Variants in ADGRB3 observed in about 807,000 individuals in gnomAD.
ADGRB3 encodes brain-specific angiogenesis inhibitor 3.
ADGRB3 carries 37 observed loss-of-function variants against 193.4 expected under a neutral mutation model. The ratio of observed to expected loss-of-function variants is 0.19; its 90% CI spans 0.15 to 0.25. The LOEUF is 0.25. ADGRB3 is among the 10% of genes least tolerant of loss of function. The probability of loss-of-function intolerance (pLI) is 1.00; values close to 1 mark genes in which losing one functional copy is unlikely to be tolerated. For synonymous variants in ADGRB3, 690 were observed against 644.2 expected (o/e 1.07, Z -1.08); for missense variants, 1,637 against 1,852.9 (o/e 0.88, Z 2.14).
intron 11 of ADGRB3, among the ~76,000 whole-genome samples, chr6:69,006,918 G>T (rs1769773944): frequency 6.6e-6 from 1 of 151,934 alleles, no homozygotes; most frequent in African/African-American, 2.4e-5. Flanking sequence ...CTCTAGTCAT[G>T]ATAATCTTAA....
At chr6:68,905,556 G>A (rs569442779) in intron 3 of ADGRB3, among the ~76,000 whole-genome samples, 16 of 152,014 alleles carry the variant, frequency 1.1e-4, no homozygotes, top group Admixed American at 2.6e-4. Flanking sequence ...TCTAGCAGGC[G>A]TCCCTTTCTG....
At chr6:68,673,068 G>A (rs765994250) in intron 3 of ADGRB3, among the ~76,000 whole-genome samples, 7 of 152,010 alleles carry the variant, frequency 4.6e-5, no homozygotes, top group Non-Finnish European at 8.8e-5. Flanking sequence ...GTATACGTAT[G>A]TGTTTGTTTG....
chr6:69,375,073 A>T (rs1373120136), intron 30 of ADGRB3, among the ~76,000 whole-genome samples: 1 of 152,116 alleles, frequency 6.6e-6, no homozygotes, highest in Non-Finnish European at 1.5e-5. Flanking sequence ...TTACCTAAAC[A>T]GGTGTCTATG....
chr6:69,104,305 C>T (rs528903088), intron 17 of ADGRB3, among the ~76,000 whole-genome samples: 62 of 149,784 alleles, frequency 4.1e-4, no homozygotes, highest in Middle Eastern at 3.4e-3. Flanking sequence ...TTTGTTCTTG[C>T]GATAGTTTAC....
intron 17 of ADGRB3, among the ~76,000 whole-genome samples, chr6:69,085,995 A>G (rs1462559776): frequency 1.3e-5 from 2 of 152,032 alleles, no homozygotes; most frequent in Non-Finnish European, 2.9e-5. Context: ...TTGATTAAAA[A>G]AAGAAACCTT....
At chr6:69,283,746 C>G (rs1273317196) in intron 20 of ADGRB3, among the ~76,000 whole-genome samples, 1 of 152,012 alleles carries the variant, frequency 6.6e-6, no homozygotes, top group Non-Finnish European at 1.5e-5. Flanking sequence ...ATGTGTAGTC[C>G]ACTTCATTTG....
chr6:69,205,702 A>G (rs1302488277), intron 17 of ADGRB3, among the ~76,000 whole-genome samples: 1 of 151,940 alleles, frequency 6.6e-6, no homozygotes, highest in Non-Finnish European at 1.5e-5. Flanking sequence ...GATATGTTTT[A>G]CTCCTGTGAT....
At chr6:68,703,645 CAG>C (rs1271698881) in intron 3 of ADGRB3, among the ~76,000 whole-genome samples, 1 of 152,158 alleles carries the variant, frequency 6.6e-6, no homozygotes, top group Admixed American at 6.6e-5. Flanking sequence ...GTTTTTGAGA[CAG>C]AGTCTCGCTC....
rs556519694 is a variant in ADGRB3, at chr6:69,193,357, T to C, written c.2481-39933T>C. On this transcript the variant is annotated intron_variant, in intron 17 of 31. Coordinates refer to ENST00000370598, the MANE Select transcript of ADGRB3 (RefSeq NM_001704.3). Reference sequence around the variant, plus strand: ...AACTAAAACAAAAACTTTTTTGTGATTCTTTTGAGCCTGTTCTCACTTGTT... The same window carrying C: ...AACTAAAACAAAAACTTTTTTGTGACTCTTTTGAGCCTGTTCTCACTTGTT... 2.0e-5 allele frequency among the ~76,000 whole-genome samples: 3 copies of C among 152,276 alleles called. No individual in the cohort carries two copies. The South Asian group carries it at 6.2e-4, about 32-fold the overall frequency.
intron 3 of ADGRB3, among the ~76,000 whole-genome samples, chr6:68,861,460 G>A (rs550363859): frequency 1.4e-4 from 22 of 152,158 alleles, no homozygotes; most frequent in Admixed American, 4.6e-4. Context: ...TGCTCGGGAG[G>A]TGGAGGCAGG....
At chr6:69,004,939 G>C (rs1460271844) in intron 11 of ADGRB3, among the ~76,000 whole-genome samples, 1 of 152,200 alleles carries the variant, frequency 6.6e-6, no homozygotes, top group South Asian at 2.1e-4. Flanking sequence ...CTGTAGTCTT[G>C]TAAGGGTCTA....
At chr6:69,024,051 G>T (rs1033881277) in intron 13 of ADGRB3, among the ~76,000 whole-genome samples, 1 of 152,036 alleles carries the variant, frequency 6.6e-6, no homozygotes, top group Non-Finnish European at 1.5e-5. Context: ...TACACATTTG[G>T]TAATCAACTA....
At chr6:68,919,179 C>A (rs891926502) in intron 3 of ADGRB3, among the ~76,000 whole-genome samples, 3 of 152,118 alleles carry the variant, frequency 2.0e-5, no homozygotes, top group Non-Finnish European at 4.4e-5. Flanking sequence ...ACTTTTCAAG[C>A]CGGCGTCCTA....
intron 5 of ADGRB3, 136 bp downstream of exon 5, chr6:68,936,816 T>C (rs1767497391): frequency 1.0e-6 from 1 of 994,444 alleles, no homozygotes. Context: ...ATTATTCAAC[T>C]GTAATATTTT....
chr6:68,951,021 C>T (rs530357787), intron 6 of ADGRB3, among the ~76,000 whole-genome samples: 1 of 152,178 alleles, frequency 6.6e-6, no homozygotes, highest in African/African-American at 2.4e-5. Context: ...CTCTTTCCAC[C>T]TCTCCTTTTC....
intron 3 of ADGRB3, among the ~76,000 whole-genome samples, chr6:68,708,659 G>A (rs1765363674): frequency 6.6e-6 from 1 of 152,152 alleles, no homozygotes. Context: ...ACTGACGTCT[G>A]TGCTAAATAT....
chr6:68,792,682 T>G (rs1234893636), intron 3 of ADGRB3, among the ~76,000 whole-genome samples: 2 of 152,198 alleles, frequency 1.3e-5, no homozygotes, highest in Admixed American at 6.5e-5. Flanking sequence ...TCAATCCTAT[T>G]TGTAAAAACC....
At chr6:69,300,101 A>T (rs1259893612) in intron 20 of ADGRB3, among the ~76,000 whole-genome samples, 1 of 151,908 alleles carries the variant, frequency 6.6e-6, no homozygotes, top group Admixed American at 6.6e-5. Context: ...ATTCAACAAC[A>T]CATTAAAAAA....
chr6:68,984,029 A>C (rs1006002354), intron 10 of ADGRB3, among the ~76,000 whole-genome samples: 21 of 152,294 alleles, frequency 1.4e-4, no homozygotes, highest in African/African-American at 5.1e-4. Context: ...GAAAGCAAAA[A>C]GATCTACTGG....
Sources: gnomAD v4.1 joint callset for allele counts (sites outside exome capture counted in the v4.1 genomes callset) on GRCh38, gnomAD v4.1.1 for gene constraint, MANE v1.5 for transcripts, NCBI Gene and HGNC (gene_info 2026-07-23, HGNC 2026-07-21) for gene names.